Variants in SBF2 observed in about 807,000 individuals in gnomAD.
SBF2 encodes the protein SET binding factor 2, also known as myotubularin-related protein 13.
SBF2 carries 112 observed loss-of-function variants against 225.2 expected under a neutral mutation model. That is an observed-to-expected ratio of 0.50 (90% CI 0.43 to 0.58). SBF2 has a LOEUF of 0.58. Ranked by LOEUF, SBF2 falls within the 20% of genes least tolerant of loss-of-function variation. The probability of loss-of-function intolerance (pLI) is 0.00; values close to 1 mark genes in which losing one functional copy is unlikely to be tolerated. For missense variants in SBF2, 1,996 were observed against 2,206.2 expected (o/e 0.90, Z 1.91); for synonymous variants, 763 against 773.3 (o/e 0.99, Z 0.22).
chr11:9,996,802 G>A (rs978209897), intron 9 of SBF2, among the ~76,000 whole-genome samples: 24 of 152,234 alleles, frequency 1.6e-4, no homozygotes, highest in Middle Eastern at 3.4e-3. Context: ...AAATAAAAAA[G>A]GTTGACCACA....
intron 1 of SBF2, among the ~76,000 whole-genome samples, chr11:10,277,316 T>C (rs1963036530): frequency 6.6e-6 from 1 of 152,288 alleles, no homozygotes; most frequent in East Asian, 1.9e-4. Flanking sequence ...CTGAATTTTC[T>C]ACAGCTTATT....
At chr11:10,248,436 C>CAGTT (rs1430908516) in intron 1 of SBF2, among the ~76,000 whole-genome samples, 2 of 152,150 alleles carry the variant, frequency 1.3e-5, no homozygotes, top group Non-Finnish European at 2.9e-5. Flanking sequence ...GCCTGCTTTA[C>CAGTT]AGTTAGGTAA....
intron 6 of SBF2, among the ~76,000 whole-genome samples, chr11:10,013,270 T>A (rs746863336): frequency 6.6e-6 from 1 of 152,198 alleles, no homozygotes; most frequent in Non-Finnish European, 1.5e-5. Flanking sequence ...CCGATAATGA[T>A]GCCATGGGTT....
In SBF2 at chr11:9,853,525, C is replaced by T. The variant is rs776194816; in HGVS notation, c.2536+15G>A. The T allele has an allele frequency of 6.2e-7, 1 of 1,610,720 alleles. No individual in the cohort carries two copies. The highest frequency in any genetic ancestry group is 8.5e-7 in the Non-Finnish European group (1 of 1,176,984). ...CTCCAATATTCTGATTCTCTAATATCTGCAGAGTGATTACCTGGTATCATG... is the reference window on the plus strand; with the variant it reads ...CTCCAATATTCTGATTCTCTAATATTTGCAGAGTGATTACCTGGTATCATG... On this transcript the variant is annotated intron_variant, in intron 20 of 39. Coordinates refer to ENST00000256190, the MANE Select transcript of SBF2 (RefSeq NM_030962.4).
chr11:9,892,613 A>AC (rs1860924286), intron 17 of SBF2, among the ~76,000 whole-genome samples: 2 of 151,508 alleles, frequency 1.3e-5, no homozygotes, highest in Admixed American at 1.3e-4. Context: ...AGGCTGGAGT[A>AC]CAATGGTGCG....
chr11:10,020,526 T>C (rs1948811901), intron 6 of SBF2, among the ~76,000 whole-genome samples: 1 of 152,084 alleles, frequency 6.6e-6, no homozygotes, highest in African/African-American at 2.4e-5. Context: ...CAATTCCAAG[T>C]GTACTTTACT....
chr11:10,196,898 T>C (rs1957397443), intron 1 of SBF2, among the ~76,000 whole-genome samples: 1 of 141,398 alleles, frequency 7.1e-6, no homozygotes, highest in Non-Finnish European at 1.5e-5. Flanking sequence ...AATACCACAC[T>C]GAACCTAACT....
In SBF2 at chr11:9,998,248, T is replaced by C; in HGVS notation, c.975+18A>G. ...ATTTAAATAAAGAGAAAGTTACTAT[T>C]ACAAAAATATGTCATACCAAAGAAA... On this transcript the variant is annotated intron_variant, in intron 9 of 39. Transcript: ENST00000256190. 2.9e-6 allele frequency: 4 copies of C among 1,390,870 alleles called. No individual in the cohort carries two copies. Among genetic ancestry groups the C allele is most frequent in the Middle Eastern group, 3.6e-4 (2 of 5,616 alleles). 86.2% of individuals were successfully genotyped at this position (1,390,870 alleles called of 1,614,324 possible). A position where few individuals can be genotyped will look rare whatever the true frequency, so the allele number is the denominator to read the frequency against.
At chr11:10,184,299 G>GCCTTATGGGAT (rs1956849040) in intron 2 of SBF2, among the ~76,000 whole-genome samples, 1 of 152,110 alleles carries the variant, frequency 6.6e-6, no homozygotes, top group South Asian at 2.1e-4. Context: ...TGATTATTGA[G>GCCTTATGGGAT]CCTTATGGGA....
rs1866924562 is a variant in SBF2 at position 9,966,536 on chromosome 11, G to T, written c.1600+1805C>A. Among the ~76,000 whole-genome samples the T allele has an allele frequency of 2.0e-5, 3 of 152,076 alleles. No individual in the cohort carries two copies. In the South Asian group the frequency reaches 6.2e-4, roughly 32 times the overall value. On this transcript the variant is annotated intron_variant, in intron 14 of 39. Coordinates refer to ENST00000256190, the MANE Select transcript of SBF2 (RefSeq NM_030962.4). ...AAAACAGGAAAAACTGAAAAATAGG[G>T]AATTCTGCTATTATAATGGGAGACT... is the stretch of plus-strand genomic sequence containing the variant.
chr11:9,883,733 A>G (rs1392151596), intron 17 of SBF2, among the ~76,000 whole-genome samples: 1 of 152,238 alleles, frequency 6.6e-6, no homozygotes, highest in Non-Finnish European at 1.5e-5. Context: ...TAACACAAGA[A>G]AGAGCTGAAT....
chr11:9,810,478 C>T, intron 30 of SBF2: 1 of 152,112 alleles, frequency 6.6e-6, no homozygotes, highest in South Asian at 2.1e-4. Flanking sequence ...TTTTAATGAT[C>T]ATCAGACATA....
chr11:10,118,955 C>T (rs1953302942), intron 2 of SBF2, among the ~76,000 whole-genome samples: 1 of 150,452 alleles, frequency 6.6e-6, no homozygotes, highest in African/African-American at 2.4e-5. Flanking sequence ...AAACACTCAG[C>T]ATCTTCCTCT....
intron 28 of SBF2, among the ~76,000 whole-genome samples, chr11:9,817,996 T>A (rs984694265): frequency 2.6e-5 from 4 of 152,192 alleles, no homozygotes; most frequent in Non-Finnish European, 5.9e-5. Context: ...CCTAGGCTGG[T>A]GTGCAATGGC....
intron 23 of SBF2, 127 bp from the exon 24 acceptor site, chr11:9,845,867 A>C: frequency 1.2e-6 from 1 of 811,258 alleles, no homozygotes. Flanking sequence ...GATAACATGC[A>C]ATACAATTTT....
intron 1 of SBF2, among the ~76,000 whole-genome samples, chr11:10,195,231 C>T (rs1179172538): frequency 6.6e-6 from 1 of 152,150 alleles, no homozygotes; most frequent in Non-Finnish European, 1.5e-5. Flanking sequence ...CCCTCTACCA[C>T]CAGCAAGATG....
At chr11:10,281,880 A>G (rs141002709) in intron 1 of SBF2, among the ~76,000 whole-genome samples, 2 of 152,102 alleles carry the variant, frequency 1.3e-5, no homozygotes, top group African/African-American at 4.8e-5. Flanking sequence ...CATCACAAGT[A>G]CCCCCAGACC....
intron 2 of SBF2, among the ~76,000 whole-genome samples, chr11:10,056,086 A>G (rs1294877275): frequency 2.0e-5 from 3 of 152,216 alleles, no homozygotes; most frequent in African/African-American, 7.2e-5. Flanking sequence ...TAATTCCAAG[A>G]TGAAGACCAC....
At chr11:10,006,284 A>C (rs994299854) in intron 6 of SBF2, among the ~76,000 whole-genome samples, 6 of 152,192 alleles carry the variant, frequency 3.9e-5, no homozygotes, top group Non-Finnish European at 8.8e-5. Flanking sequence ...CCTTGTGGCT[A>C]TCTAGAGACT....
Sources: gnomAD v4.1 joint callset for allele counts (sites outside exome capture counted in the v4.1 genomes callset) on GRCh38, gnomAD v4.1.1 for gene constraint, MANE v1.5 for transcripts, NCBI Gene and HGNC (gene_info 2026-07-23, HGNC 2026-07-21) for gene names.